TNRC6B: variants seen among roughly 807,000 people sequenced by gnomAD.
TNRC6B encodes trinucleotide repeat-containing gene 6B protein.
A neutral mutation model predicts 203.6 loss-of-function variants in TNRC6B; 52 were observed. The observed-to-expected ratio is 0.26, with a 90% CI of 0.20 to 0.32. The LOEUF (loss-of-function observed/expected upper bound fraction) is 0.32. Among genes scored for constraint, TNRC6B ranks in the 10% least tolerant of loss-of-function variants. The probability of loss-of-function intolerance (pLI) is 1.00; values close to 1 mark genes in which losing one functional copy is unlikely to be tolerated. For synonymous variants in TNRC6B, 838 were observed against 845.7 expected, an observed-to-expected ratio of 0.99 and a Z score of 0.16; for missense variants, 1,923 against 2,286.2, an observed-to-expected ratio of 0.84 and a Z score of 3.24.
chr22:40,173,791 ATATTTTTT>A (rs1263582718), upstream of TNRC6B, among the ~76,000 whole-genome samples: 39 of 44,436 alleles, frequency 8.8e-4, no homozygotes, highest in African/African-American at 4.6e-3. Flanking sequence ...ATATATATAT[ATATTTTTT>A]TTTTTTTTTT....
intron 12 of TNRC6B, among the ~76,000 whole-genome samples, chr22:40,291,768 TC>T (rs2070872206): frequency 6.6e-6 from 1 of 152,248 alleles, no homozygotes; most frequent in South Asian, 2.1e-4. Flanking sequence ...CCACATTTTT[TC>T]TAAATTTAGT....
At chr22:40,277,623 A>C (rs968280209) in intron 8 of TNRC6B, among the ~76,000 whole-genome samples, 4 of 152,234 alleles carry the variant, frequency 2.6e-5, no homozygotes, top group Admixed American at 2.0e-4. Context: ...ACTTGGCTGC[A>C]CAGTTGAAGG....
chr22:40,177,949 C>A lies in TNRC6B; in HGVS notation c.-187C>A, dbSNP rs887376829. 2.9e-6 allele frequency: 4 copies of A among 1,403,150 alleles called. No homozygotes were observed. The highest frequency in any genetic ancestry group is 3.7e-6 in the Non-Finnish European group (4 of 1,083,536). 86.9% of individuals were successfully genotyped at this position (1,403,150 alleles called of 1,614,324 possible). ...TAGAGACAGAGAGGGAGAGAGAGAG[C>A]AAGAGGGAGAGTGTGTGAGAGAGAG... On this transcript the variant is annotated 5_prime_UTR_variant, in exon 1 of 23. Coordinates refer to ENST00000454349, the MANE Select transcript of TNRC6B (RefSeq NM_001162501.2).
chr22:40,303,021 CCTTCTT>C (rs1218031533), intron 15 of TNRC6B, among the ~76,000 whole-genome samples: 10,733 of 139,654 alleles, frequency 0.077, 580 homozygotes, highest in East Asian at 0.13. Context: ...TGCTGTATTT[CCTTCTT>C]CTTCTTCTTC....
chr22:40,197,391 T>G (rs1251335848), intron 1 of TNRC6B, among the ~76,000 whole-genome samples: 1 of 151,948 alleles, frequency 6.6e-6, no homozygotes, highest in Non-Finnish European at 1.5e-5. Context: ...TTCAAGCGAT[T>G]CTCCTGCTTT....
At chr22:40,144,676 G>GAAAA (rs34160632) in intron 3 of TNRC6B, among the ~76,000 whole-genome samples, 2 of 97,320 alleles carry the variant, frequency 2.1e-5, no homozygotes, top group East Asian at 3.4e-4. Context: ...CTCCGTCTCG[G>GAAAA]AAAAAAAAAA....
intron 3 of TNRC6B, among the ~76,000 whole-genome samples, chr22:40,259,983 T>C (rs1418947849): frequency 6.6e-6 from 1 of 152,142 alleles, no homozygotes; most frequent in East Asian, 1.9e-4. Flanking sequence ...TCTGGCAGCA[T>C]GCAGCGAGGG....
chr22:40,114,792 C>G (rs2068372139), intron 1 of TNRC6B, among the ~76,000 whole-genome samples: 1 of 152,142 alleles, frequency 6.6e-6, no homozygotes, highest in Admixed American at 6.5e-5. Context: ...ACTGCTGCAG[C>G]TGTACCTGAT....
chr22:40,125,706 A>C, intron 2 of TNRC6B: 1 of 1,151,166 alleles, frequency 8.7e-7, no homozygotes, highest in Non-Finnish European at 1.2e-6. Flanking sequence ...TTCAGTCTAA[A>C]CCTTTGAAAA....
intron 1 of TNRC6B, among the ~76,000 whole-genome samples, chr22:40,085,106 G>A (rs1265184459): frequency 2.6e-5 from 4 of 152,180 alleles, no homozygotes; most frequent in Non-Finnish European, 4.4e-5. Flanking sequence ...ATAGCCTGTG[G>A]AAAGGCTCAC....
chr22:40,210,278 GAC>G (rs2069543852), intron 1 of TNRC6B, among the ~76,000 whole-genome samples: 1 of 152,178 alleles, frequency 6.6e-6, no homozygotes, highest in Admixed American at 6.5e-5. Context: ...AGATGAGACA[GAC>G]AGTGAGTAAG....
intron 12 of TNRC6B, among the ~76,000 whole-genome samples, chr22:40,288,743 A>G (rs891544189): frequency 2.7e-5 from 4 of 149,114 alleles, no homozygotes; most frequent in East Asian, 2.0e-4. Context: ...GCATTTCACT[A>G]TGTTGGCCAG....
intron 4 of TNRC6B, among the ~76,000 whole-genome samples, chr22:40,156,459 A>C (rs982956031): frequency 5.9e-5 from 9 of 152,220 alleles, no homozygotes; most frequent in African/African-American, 1.9e-4. Context: ...AAATTGAACT[A>C]ATTCTGTTTG....
intron 1 of TNRC6B, among the ~76,000 whole-genome samples, chr22:40,108,493 C>T (rs1317491191): frequency 6.6e-6 from 1 of 152,230 alleles, no homozygotes; most frequent in Non-Finnish European, 1.5e-5. Context: ...GAACACTTGT[C>T]AAAGTGTGCT....
rs1176052786 is a variant in TNRC6B at position 40,273,579 on chromosome 22, A to G, written c.3120A>G (p.Gln1040=). ...CCCACAACTCAGCAAGCTGGGGACA[A>G]GGAGGAAAGAAACAAATGAAGGTAG... ...ASSHNSASWG[Q]GGKKQMKCSL... is the part of the protein sequence containing the mutation. The change falls in exon 7 of 23, where the codon CAA becomes CAG. Residue 1040 remains glutamine, a synonymous_variant. Transcript: ENST00000454349. The G allele has an allele frequency of 6.3e-7, 1 of 1,581,180 alleles. No homozygotes were observed. The highest frequency in any genetic ancestry group is 8.6e-7 in the Non-Finnish European group (1 of 1,163,428).
chr22:40,202,849 A>G (rs1454594144), intron 1 of TNRC6B, among the ~76,000 whole-genome samples: 3 of 152,086 alleles, frequency 2.0e-5, no homozygotes, highest in Non-Finnish European at 2.9e-5. Context: ...GGTATCTCCA[A>G]AGTTACAGCT....
chr22:40,308,567 C>G lies in TNRC6B; in HGVS notation c.4176C>G (p.Thr1392=), dbSNP rs764625921. 1.9e-6 allele frequency: 3 copies of G among 1,613,968 alleles called. No individual in the cohort carries two copies. Among genetic ancestry groups the G allele is most frequent in the Non-Finnish European group, 1.7e-6 (2 of 1,179,880 alleles). The part of the protein sequence containing the change: ...YGMVGGKEAG[T]ESRFKQWTSM... The stretch of plus-strand genomic sequence containing the variant: ...TGGTTGGTGGGAAGGAGGCTGGAAC[C>G]GAGTCTCGCTTTAAACAGTGGACCT... The change falls in exon 16 of 23, where the codon ACC becomes ACG. Residue 1392 remains threonine, a synonymous_variant. Transcript: ENST00000454349.
chr22:40,056,381 C>T (rs111606192), intron 1 of TNRC6B, among the ~76,000 whole-genome samples: 1,787 of 152,226 alleles, frequency 0.012, 36 homozygotes, highest in African/African-American at 0.041. Flanking sequence ...GGCTAAGGAG[C>T]TAAGTGATGA....
chr22:40,296,407 C>T (rs1312311023), intron 12 of TNRC6B, among the ~76,000 whole-genome samples: 1 of 149,942 alleles, frequency 6.7e-6, no homozygotes, highest in African/African-American at 2.5e-5. Flanking sequence ...TCTTGGCTCA[C>T]TGCAAGCTCC....
Sources: allele counts gnomAD v4.1 joint callset (sites outside exome capture counted in the v4.1 genomes callset), GRCh38; gene constraint gnomAD v4.1.1; transcripts MANE v1.5; gene names NCBI Gene and HGNC (gene_info 2026-07-23, HGNC 2026-07-21).